The following PTPRG variants were observed in gnomAD, a reference collection of about 807,000 sequenced individuals.
The protein encoded by PTPRG is receptor-type tyrosine-protein phosphatase gamma.
A neutral mutation model predicts 165.3 loss-of-function variants in PTPRG; 102 were observed. That is an observed-to-expected ratio of 0.62 (90% CI 0.53 to 0.73). The LOEUF is 0.73. Ranked by LOEUF, PTPRG falls within the 30% of genes least tolerant of loss-of-function variation. PTPRG has a pLI of 0.00. For missense variants in PTPRG, 1,866 were observed against 1,861.4 expected, an observed-to-expected ratio of 1.00 and a Z score of -0.05; for synonymous variants, 675 against 669.5, an observed-to-expected ratio of 1.01 and a Z score of -0.13.
At chr3:62,088,493 A>AT (rs1701824448) in intron 5 of PTPRG, among the ~76,000 whole-genome samples, 1 of 152,248 alleles carries the variant, frequency 6.6e-6, no homozygotes, top group African/African-American at 2.4e-5. Context: ...GGATTCCAAC[A>AT]TAAGGTGCAA....
chr3:61,934,045 C>T (rs375023067), intron 2 of PTPRG, among the ~76,000 whole-genome samples: 2 of 152,326 alleles, frequency 1.3e-5, no homozygotes, highest in African/African-American at 4.8e-5. Context: ...CTTAAAGATG[C>T]AGCTACAATT....
chr3:62,028,107 T>G (rs987860472), intron 4 of PTPRG, among the ~76,000 whole-genome samples: 2 of 152,238 alleles, frequency 1.3e-5, no homozygotes, highest in Admixed American at 1.3e-4. Flanking sequence ...AGTGGTTTAC[T>G]GGAAGTCAGA....
intron 2 of PTPRG, among the ~76,000 whole-genome samples, chr3:61,874,515 C>CT (rs79328175): frequency 0.12 from 17,504 of 149,246 alleles, 1,608 homozygotes; most frequent in East Asian, 0.49. Context: ...TTCTTTCTTC[C>CT]TTTTTTTTTT....
chr3:62,054,625 G>T (rs1248322180), intron 4 of PTPRG, among the ~76,000 whole-genome samples: 1 of 152,300 alleles, frequency 6.6e-6, no homozygotes, highest in East Asian at 1.9e-4. Context: ...AGAGGTTGAG[G>T]CAGCTGCCTA....
intron 1 of PTPRG, among the ~76,000 whole-genome samples, chr3:61,602,371 CAG>C (rs2106850130): frequency 1.3e-5 from 2 of 152,092 alleles, no homozygotes; most frequent in East Asian, 3.9e-4. Flanking sequence ...GTACACAATC[CAG>C]AGGGAAATGA....
intron 28 of PTPRG, among the ~76,000 whole-genome samples, chr3:62,286,113 ATTT>A (rs1374746011): frequency 3.9e-5 from 6 of 152,112 alleles, no homozygotes; most frequent in Admixed American, 6.6e-5. Context: ...GTCCTCAATA[ATTT>A]TTTATTTTAA....
chr3:62,152,411 A>G (rs1704371268), intron 6 of PTPRG, among the ~76,000 whole-genome samples: 1 of 152,174 alleles, frequency 6.6e-6, no homozygotes, highest in Non-Finnish European at 1.5e-5. Flanking sequence ...TTTTCAGCTG[A>G]AAAGTGCTTT....
At chr3:62,235,603 A>G (rs1239119034) in intron 14 of PTPRG, among the ~76,000 whole-genome samples, 1 of 152,170 alleles carries the variant, frequency 6.6e-6, no homozygotes, top group Non-Finnish European at 1.5e-5. Flanking sequence ...TGTGCCTATA[A>G]TTTATCATTT....
intron 2 of PTPRG, among the ~76,000 whole-genome samples, chr3:61,873,205 C>T (rs2037630445): frequency 6.6e-6 from 1 of 152,136 alleles, no homozygotes; most frequent in African/African-American, 2.4e-5. Context: ...ATATTTGTAA[C>T]AGCAGTTTGT....
At chr3:62,186,714 C>T (rs768560733) in intron 8 of PTPRG, among the ~76,000 whole-genome samples, 65 of 151,642 alleles carry the variant, frequency 4.3e-4, no homozygotes, top group Middle Eastern at 3.4e-3. Context: ...TATAGGTGTG[C>T]GCCACCACAC....
At chr3:61,704,286 T>C (rs2031134874) in intron 1 of PTPRG, among the ~76,000 whole-genome samples, 1 of 152,192 alleles carries the variant, frequency 6.6e-6, no homozygotes, top group Non-Finnish European at 1.5e-5. Flanking sequence ...TTTAGGATTG[T>C]TGGAGCTTTA....
intron 2 of PTPRG, among the ~76,000 whole-genome samples, chr3:61,765,679 C>T (rs530399862): frequency 2.6e-5 from 4 of 152,112 alleles, no homozygotes; most frequent in African/African-American, 2.4e-5. Context: ...CTACCGTGAT[C>T]CAGCTTTTTG....
At chr3:62,037,564 G>A (rs1332598780) in intron 4 of PTPRG, among the ~76,000 whole-genome samples, 1 of 152,154 alleles carries the variant, frequency 6.6e-6, no homozygotes, top group African/African-American at 2.4e-5. Flanking sequence ...AGATGTTCAG[G>A]TTACATGGAC....
chr3:61,936,093 A>T (rs1474732616), intron 2 of PTPRG, among the ~76,000 whole-genome samples: 1 of 152,082 alleles, frequency 6.6e-6, no homozygotes, highest in Non-Finnish European at 1.5e-5. Flanking sequence ...TCTTCTCTGG[A>T]GATTGCAATA....
intron 2 of PTPRG, among the ~76,000 whole-genome samples, chr3:61,757,713 G>T (rs1051770956): frequency 2.6e-5 from 4 of 152,138 alleles, no homozygotes; most frequent in Admixed American, 1.3e-4. Flanking sequence ...TAAATTTATT[G>T]TGTCAACACA....
intron 4 of PTPRG, among the ~76,000 whole-genome samples, chr3:62,008,955 A>G (rs2041357608): frequency 6.6e-6 from 1 of 152,174 alleles, no homozygotes; most frequent in African/African-American, 2.4e-5. Flanking sequence ...TGCCATGTAT[A>G]TTTCAGAAGG....
At chr3:62,201,458 C>T in intron 10 of PTPRG, 47 bp from the exon 11 acceptor site, 1 of 1,475,568 alleles carries the variant, frequency 6.8e-7, no homozygotes, top group South Asian at 1.3e-5. Context: ...CTTGTTAGAG[C>T]CACAAAAAAA....
At chr3:61,724,834 T>G (rs2032192189) in intron 1 of PTPRG, among the ~76,000 whole-genome samples, 1 of 151,048 alleles carries the variant, frequency 6.6e-6, no homozygotes. Flanking sequence ...TACTGTTGAG[T>G]TTTGAGAGTT....
At chr3:62,161,689 C>T (rs558697975) in intron 7 of PTPRG, among the ~76,000 whole-genome samples, 2 of 152,342 alleles carry the variant, frequency 1.3e-5, no homozygotes, top group South Asian at 4.1e-4. Context: ...TAATCACCTT[C>T]ATGCAAAACT....
Sources: gnomAD v4.1 joint callset for allele counts (sites outside exome capture counted in the v4.1 genomes callset) on GRCh38, gnomAD v4.1.1 for gene constraint, MANE v1.5 for transcripts, NCBI Gene and HGNC (gene_info 2026-07-23, HGNC 2026-07-21) for gene names.